TINAG: variants seen among roughly 807,000 people sequenced by gnomAD.
TINAG encodes the protein tubulointerstitial nephritis antigen.
In TINAG, 83 loss-of-function variants were observed where a neutral mutation model predicts 72.7. That is an observed-to-expected ratio of 1.14 (90% confidence interval 0.96 to 1.37). The LOEUF (loss-of-function observed/expected upper bound fraction) is 1.37, where lower values mean the gene tolerates loss of function less well. Ranked by LOEUF, TINAG falls within the 40% of genes most tolerant of loss-of-function variation. The pLI is 0.00. For missense variants in TINAG, 685 were observed against 576.6 expected (o/e 1.19, Z -1.93); for synonymous variants, 234 against 189.9 (o/e 1.23, Z -1.91).
intron 1 of TINAG, among the ~76,000 whole-genome samples, chr6:54,313,476 C>T (rs956062933): frequency 6.6e-6 from 1 of 152,178 alleles, no homozygotes; most frequent in Non-Finnish European, 1.5e-5. Flanking sequence ...CTCCTCCTTA[C>T]AAGCTAAGAT....
chr6:54,361,328 A>C (rs1459343691), intron 9 of TINAG, among the ~76,000 whole-genome samples: 3 of 151,714 alleles, frequency 2.0e-5, no homozygotes, highest in Non-Finnish European at 4.4e-5. Context: ...TAAATAACAG[A>C]GGTTTAATTG....
intron 9 of TINAG, among the ~76,000 whole-genome samples, chr6:54,364,019 C>A (rs1763327089): frequency 6.6e-6 from 1 of 151,384 alleles, no homozygotes; most frequent in Non-Finnish European, 1.5e-5. Context: ...GTTGGAGTGC[C>A]TCTTTTATCT....
At chr6:54,337,368 C>T (rs1174130349) in intron 4 of TINAG, among the ~76,000 whole-genome samples, 1 of 151,510 alleles carries the variant, frequency 6.6e-6, no homozygotes, top group Non-Finnish European at 1.5e-5. Context: ...TTCTCCCTGC[C>T]TCAGCCTCCT....
intron 6 of TINAG, among the ~76,000 whole-genome samples, chr6:54,347,930 T>C (rs1785165286): frequency 6.6e-6 from 1 of 152,060 alleles, no homozygotes; most frequent in Non-Finnish European, 1.5e-5. Flanking sequence ...AATAATAATA[T>C]AAAGAAATAA....
intron 1 of TINAG, among the ~76,000 whole-genome samples, chr6:54,310,805 TC>T (rs1352072780): frequency 6.7e-6 from 1 of 150,038 alleles, no homozygotes; most frequent in Non-Finnish European, 1.5e-5. Context: ...TTTCTCTCTC[TC>T]TTTCTCTCCC....
chr6:54,354,579 C>T lies in TINAG; in HGVS notation c.1193C>T (p.Thr398Ile). ...GGGATATACAGACATGTTACCAGCA[C>T]AAATAAAGAATCAGAAAAATATCGA... The part of the protein sequence containing the change: ...KTGIYRHVTS[T>I]NKESEKYRKL... Residue 398 changes from threonine to isoleucine, a missense_variant, in exon 9 of 11, where the codon ACA becomes ATA. Physicochemically the swap from Thr to Ile is moderately conservative, Grantham distance 89 (BLOSUM62 -1). Transcript: ENST00000259782. The T allele has an allele frequency of 1.2e-6, 2 of 1,610,448 alleles. No homozygotes were observed. Among genetic ancestry groups the T allele is most frequent in the South Asian group, 1.1e-5 (1 of 90,878 alleles).
chr6:54,324,162 T>C (rs1784553663), intron 3 of TINAG, among the ~76,000 whole-genome samples: 1 of 152,158 alleles, frequency 6.6e-6, no homozygotes, highest in Non-Finnish European at 1.5e-5. Context: ...TAACAAACCA[T>C]TCCAGGATTC....
intron 1 of TINAG, among the ~76,000 whole-genome samples, chr6:54,312,927 C>T (rs991624022): frequency 3.3e-5 from 5 of 152,036 alleles, no homozygotes; most frequent in Admixed American, 1.3e-4. Flanking sequence ...TCATCTCTGC[C>T]GGGGTCAGTA....
At chr6:54,367,848 C>A (rs1314973893) in intron 9 of TINAG, among the ~76,000 whole-genome samples, 2 of 151,664 alleles carry the variant, frequency 1.3e-5, no homozygotes, top group Admixed American at 1.3e-4. Flanking sequence ...GATTGTAGTA[C>A]CAGCATATTT....
rs1172605527 is a variant in TINAG, at chr6:54,338,713, C to G, written c.625-4513C>G. Among the ~76,000 whole-genome samples the G allele has an allele frequency of 1.0e-3, 109 of 104,540 alleles. No individual in the cohort carries two copies. In the Admixed American group the frequency reaches 0.012, roughly 12 times the overall value. The allele number at this position is 104,540 out of a possible 152,430, so 68.6% of individuals were successfully genotyped here. ...CACTCCCAGGCGACAGAGCAAGACT[C>G]TGTCTCAAAAAAAAAAAAAAAAAAA... On this transcript the variant is annotated intron_variant, in intron 4 of 10. Coordinates refer to ENST00000259782, the MANE Select transcript of TINAG (RefSeq NM_014464.4).
intron 8 of TINAG, among the ~76,000 whole-genome samples, chr6:54,352,095 T>C (rs1049460008): frequency 6.6e-6 from 1 of 151,806 alleles, no homozygotes; most frequent in African/African-American, 2.4e-5. Flanking sequence ...GTATAAACAT[T>C]GGCTTGAAGT....
chr6:54,379,746 G>A (rs1016043484), intron 9 of TINAG, among the ~76,000 whole-genome samples: 1 of 151,394 alleles, frequency 6.6e-6, no homozygotes, highest in Non-Finnish European at 1.5e-5. Flanking sequence ...CTGTAATATG[G>A]TTGTACCTCC....
intron 1 of TINAG, among the ~76,000 whole-genome samples, chr6:54,315,087 A>G (rs1784341924): frequency 6.6e-6 from 1 of 152,172 alleles, no homozygotes; most frequent in Non-Finnish European, 1.5e-5. Context: ...TATATTATTT[A>G]TGCTATTGGT....
intron 4 of TINAG, among the ~76,000 whole-genome samples, chr6:54,332,035 A>T (rs998487468): frequency 6.6e-5 from 10 of 152,236 alleles, no homozygotes; most frequent in African/African-American, 2.4e-4. Context: ...GAAAATGACC[A>T]TACTGCCTAA....
At chr6:54,385,706 C>A (rs574799662) in intron 10 of TINAG, among the ~76,000 whole-genome samples, 2 of 151,570 alleles carry the variant, frequency 1.3e-5, no homozygotes, top group South Asian at 4.2e-4. Flanking sequence ...AAATATAGGC[C>A]GATATCTCTC....
At chr6:54,313,703 G>A (rs763566732) in intron 1 of TINAG, among the ~76,000 whole-genome samples, 16 of 151,912 alleles carry the variant, frequency 1.1e-4, no homozygotes, top group Non-Finnish European at 1.6e-4. Context: ...TGGATTAATT[G>A]ATATTTAGAG....
intron 4 of TINAG, among the ~76,000 whole-genome samples, chr6:54,337,497 G>A (rs893662885): frequency 2.0e-5 from 3 of 151,916 alleles, no homozygotes; most frequent in African/African-American, 7.3e-5. Flanking sequence ...CAGGTGATCC[G>A]CCCGCTTCGG....
At chr6:54,357,208 C>T (rs1331270716) in intron 9 of TINAG, among the ~76,000 whole-genome samples, 1 of 151,902 alleles carries the variant, frequency 6.6e-6, no homozygotes, top group African/African-American at 2.4e-5. Context: ...TTGCAGTGTA[C>T]TTTGCTGCAT....
At chr6:54,389,682 T>C in intron 10 of TINAG, 109 bp from the exon 11 acceptor site, 1 of 1,315,116 alleles carries the variant, frequency 7.6e-7, no homozygotes. Flanking sequence ...ATAATTATAG[T>C]CTATGATAAA....
Sources: allele counts gnomAD v4.1 joint callset (sites outside exome capture counted in the v4.1 genomes callset), GRCh38; gene constraint gnomAD v4.1.1; transcripts MANE v1.5; gene names NCBI Gene and HGNC (gene_info 2026-07-23, HGNC 2026-07-21).